Variants in ZNF704 observed in about 807,000 individuals in gnomAD.
ZNF704 encodes the protein zinc finger protein 704, also known as glucocorticoid induced gene 1.
A neutral mutation model predicts 44.7 loss-of-function variants in ZNF704; 10 were observed. That is an observed-to-expected ratio of 0.22 (90% CI 0.14 to 0.38). ZNF704 has a LOEUF of 0.38. Ranked by LOEUF, ZNF704 falls within the 10% of genes least tolerant of loss-of-function variation. The pLI, the probability that ZNF704 is intolerant of heterozygous loss-of-function variation, is 1.00. For missense variants in ZNF704, 390 were observed against 545.5 expected (o/e 0.71, Z 2.84); for synonymous variants, 211 against 207.6 (o/e 1.02, Z -0.14).
intron 2 of ZNF704, among the ~76,000 whole-genome samples, chr8:80,743,955 GA>G (rs145688539): frequency 1.3e-5 from 2 of 152,014 alleles, no homozygotes; most frequent in Non-Finnish European, 2.9e-5. Flanking sequence ...GTGACTCTAA[GA>G]AAAAACAAAA....
chr8:80,853,730 A>G (rs1170385673), intron 1 of ZNF704, among the ~76,000 whole-genome samples: 2 of 152,130 alleles, frequency 1.3e-5, no homozygotes, highest in Non-Finnish European at 2.9e-5. Context: ...TTCATCTTCT[A>G]TTCATTGAAA....
intron 4 of ZNF704, among the ~76,000 whole-genome samples, chr8:80,679,703 G>C (rs1380814883): frequency 2.6e-5 from 4 of 152,200 alleles, no homozygotes; most frequent in African/African-American, 9.7e-5. Context: ...GGCCACCATT[G>C]ATTGGGAACC....
chr8:80,709,719 G>C (rs192360676), intron 2 of ZNF704, among the ~76,000 whole-genome samples: 4 of 152,204 alleles, frequency 2.6e-5, no homozygotes, highest in East Asian at 3.9e-4. Context: ...CCTGAGAAAA[G>C]GTTGCCCATT....
chr8:80,735,393 C>G (rs907070169), intron 2 of ZNF704, among the ~76,000 whole-genome samples: 5 of 152,220 alleles, frequency 3.3e-5, no homozygotes, highest in Non-Finnish European at 7.3e-5. Context: ...TTGCATTTTA[C>G]TCATGATTTA....
intron 2 of ZNF704, among the ~76,000 whole-genome samples, chr8:80,713,767 G>T (rs1819029831): frequency 1.3e-5 from 2 of 152,302 alleles, no homozygotes; most frequent in South Asian, 4.1e-4. Context: ...CATCTTAGAA[G>T]CTGGCTGTGT....
chr8:80,821,677 AG>A, intron 1 of ZNF704, 62 bp from the exon 2 acceptor site: 1 of 1,271,234 alleles, frequency 7.9e-7, no homozygotes. Context: ...CGACTACTGC[AG>A]ATGGCGGTGA....
chr8:80,865,982 T>G (rs1234383930), intron 1 of ZNF704, among the ~76,000 whole-genome samples: 1 of 152,222 alleles, frequency 6.6e-6, no homozygotes, highest in Non-Finnish European at 1.5e-5. Context: ...AAGACTTTAA[T>G]CATTCTAATT....
In ZNF704 at chr8:80,810,895, G is replaced by A. The variant is rs538112316; in HGVS notation, c.221+10479C>T. ...TTGATGAAACGCTTCCCTCCTTACC[G>A]TGGATGCTCCTCCCCGCCACCCCAA... On this transcript the variant is annotated intron_variant, in intron 2 of 8. Transcript: ENST00000327835. Among the ~76,000 whole-genome samples, 91 of 152,166 alleles carry A rather than the reference G, an allele frequency of 6.0e-4. 1 individual carries two copies. The South Asian group carries it at 0.018, about 31-fold the overall frequency.
intron 2 of ZNF704, among the ~76,000 whole-genome samples, chr8:80,797,186 GC>G (rs1472754432): frequency 6.6e-6 from 1 of 152,156 alleles, no homozygotes; most frequent in Non-Finnish European, 1.5e-5. Flanking sequence ...GGGCAGCTCT[GC>G]CCCCATGGCA....
At chr8:80,863,089 A>G (rs1197929397) in intron 1 of ZNF704, among the ~76,000 whole-genome samples, 1 of 151,996 alleles carries the variant, frequency 6.6e-6, no homozygotes, top group East Asian at 1.9e-4. Flanking sequence ...ATAAAACAAG[A>G]CTACATTTTT....
At chr8:80,860,001 A>T (rs1425771875) in intron 1 of ZNF704, among the ~76,000 whole-genome samples, 1 of 152,244 alleles carries the variant, frequency 6.6e-6, no homozygotes, top group African/African-American at 2.4e-5. Context: ...CTACACGTGC[A>T]CACACTCGTG....
At chr8:80,693,181 G>C in intron 2 of ZNF704, 74 bp from the exon 3 acceptor site, 1 of 1,262,012 alleles carries the variant, frequency 7.9e-7, no homozygotes, top group South Asian at 1.2e-5. Context: ...GTGACACGCT[G>C]TCACGCATTT....
intron 2 of ZNF704, among the ~76,000 whole-genome samples, chr8:80,788,152 G>C (rs1339324832): frequency 1.3e-5 from 2 of 152,290 alleles, no homozygotes; most frequent in East Asian, 1.9e-4. Context: ...GCAATAATTA[G>C]AGTAGTTGAA....
intron 2 of ZNF704, among the ~76,000 whole-genome samples, chr8:80,720,292 A>C (rs965249782): frequency 2.0e-5 from 3 of 152,198 alleles, no homozygotes; most frequent in African/African-American, 7.2e-5. Context: ...CCACCAAGCC[A>C]CTTCTGCTTT....
At chr8:80,853,336 C>A (rs918262249) in intron 1 of ZNF704, among the ~76,000 whole-genome samples, 42 of 152,222 alleles carry the variant, frequency 2.8e-4, no homozygotes, top group Non-Finnish European at 4.0e-4. Context: ...CCACTGCACT[C>A]CAGCCTGGGC....
At chr8:80,855,988 C>T (rs577829296) in intron 1 of ZNF704, among the ~76,000 whole-genome samples, 30 of 152,292 alleles carry the variant, frequency 2.0e-4, no homozygotes, top group African/African-American at 6.3e-4. Flanking sequence ...GACAGGGTCT[C>T]ACTTTGTCAC....
At chr8:80,869,025 AC>A (rs1206339751) in intron 1 of ZNF704, among the ~76,000 whole-genome samples, 2 of 152,118 alleles carry the variant, frequency 1.3e-5, no homozygotes, top group Non-Finnish European at 2.9e-5. Flanking sequence ...CAGGGTTCAA[AC>A]CCCTGCTCTG....
At chr8:80,813,603 C>A (rs189588339) in intron 2 of ZNF704, among the ~76,000 whole-genome samples, 1 of 152,092 alleles carries the variant, frequency 6.6e-6, no homozygotes, top group Non-Finnish European at 1.5e-5. Context: ...AGAGGCCGGG[C>A]GCGGTGGCTC....
At chr8:80,858,105 T>C (rs1586079820) in intron 1 of ZNF704, among the ~76,000 whole-genome samples, 1 of 152,216 alleles carries the variant, frequency 6.6e-6, no homozygotes, top group Admixed American at 6.5e-5. Context: ...ATAAGATCTA[T>C]AGTAACGTCC....
Sources: allele counts gnomAD v4.1 joint callset (sites outside exome capture counted in the v4.1 genomes callset), GRCh38; gene constraint gnomAD v4.1.1; transcripts MANE v1.5; gene names NCBI Gene and HGNC (gene_info 2026-07-23, HGNC 2026-07-21).